Variants in COL18A1 observed in about 807,000 individuals in gnomAD.
COL18A1 encodes the protein collagen type XVIII alpha 1 chain, also known as collagen alpha-1(XVIII) chain.
COL18A1 carries 133 observed loss-of-function variants against 168.0 expected under a neutral mutation model. The ratio of observed to expected loss-of-function variants is 0.79; its 90% confidence interval spans 0.69 to 0.91. COL18A1 has a LOEUF of 0.91. COL18A1 is among the 40% of genes least tolerant of loss of function. The pLI, the probability that COL18A1 is intolerant of heterozygous loss-of-function variation, is 0.00. For missense variants in COL18A1, 2,126 were observed against 1,925.4 expected, an observed-to-expected ratio of 1.10 and a Z score of -1.95; for synonymous variants, 949 against 809.0, an observed-to-expected ratio of 1.17 and a Z score of -2.94.
At chr21:45,505,524 C>T in intron 36 of COL18A1, 93 bp downstream of exon 36, 1 of 756,800 alleles carries the variant, frequency 1.3e-6, no homozygotes, top group Non-Finnish European at 2.3e-6. Context: ...CCACGGACCC[C>T]ACAGGGAGAT....
At chr21:45,490,748 C>T in intron 20 of COL18A1, 88 bp from the exon 21 acceptor site, 7 of 1,388,868 alleles carry the variant, frequency 5.0e-6, no homozygotes, top group Middle Eastern at 3.5e-4. Flanking sequence ...AATAAAGAAC[C>T]CCACATCTTC....
rs1318727279 is a variant in COL18A1 at position 45,513,407 on chromosome 21, C to G, written c.*1009C>G. 1 of 152,280 alleles carries G rather than the reference C, an allele frequency of 6.6e-6. No individual in the cohort carries two copies. The highest frequency in any genetic ancestry group is 2.4e-5 in the African/African-American group (1 of 41,470). 9.4% of individuals were successfully genotyped at this position (152,280 alleles called of 1,614,324 possible). Reference sequence around the variant, plus strand: ...AGTCATTGGCTGTCTCCTAGGAAACCCATATCCTTACCCTCCTTGGGACTG... The same window carrying G: ...AGTCATTGGCTGTCTCCTAGGAAACGCATATCCTTACCCTCCTTGGGACTG... On this transcript the variant is annotated 3_prime_UTR_variant, in exon 42 of 42. Transcript: ENST00000651438.
rs1286802468 is a variant in COL18A1, at chr21:45,405,407, C to T, written c.40C>T (p.Arg14Cys). The T allele has an allele frequency of 3.8e-6, 5 of 1,325,500 alleles. No homozygotes were observed. In the East Asian group the frequency reaches 1.4e-4, roughly 37 times the overall value. The allele number at this position is 1,325,500 out of a possible 1,614,324, so 82.1% of individuals were successfully genotyped here. ...CCCCTGGCCATGGCCGCGGCGGCGG[C>T]GCCTCCTGGACGTGCTCGCGCCCCT... ...RCPWPWPRRR[R>C]LLDVLAPLVL... The change falls in exon 2 of 42, where the codon CGC becomes TGC. Residue 14 changes from arginine (R) to cysteine (C), a missense_variant. Arg to Cys is a radical substitution (Grantham distance 180). Coordinates refer to ENST00000651438, the MANE Select transcript of COL18A1 (RefSeq NM_001379500.1).
chr21:45,450,916 GACAC>G (rs1327753914), intron 2 of COL18A1, among the ~76,000 whole-genome samples: 1 of 152,264 alleles, frequency 6.6e-6, no homozygotes, highest in Non-Finnish European at 1.5e-5. Context: ...GCTGAGGGAG[GACAC>G]ACACTCCATG....
intron 28 of COL18A1, 186 bp downstream of exon 28, chr21:45,495,101 G>A (rs2036486222): frequency 4.6e-6 from 3 of 657,878 alleles, no homozygotes; most frequent in Admixed American, 2.5e-5. Context: ...ACCCCACGAG[G>A]GGCCAGTACC....
At position 45,448,532 on chromosome 21, in the gene COL18A1, C is replaced by T. The variant is rs576305547; in HGVS notation, c.107-19710C>T. Among the ~76,000 whole-genome samples the T allele has an allele frequency of 6.0e-3, 915 of 152,374 alleles. 10 individuals carry two copies. Among genetic ancestry groups the T allele is most frequent in the African/African-American group, 0.02 (837 of 41,586 alleles). On this transcript the variant is annotated intron_variant, in intron 2 of 41. Transcript: ENST00000651438. The stretch of plus-strand genomic sequence containing the variant: ...ATCCACACATCCGTGTACACGCGCA[C>T]ACGTGTGCTTCTGCATACCCACATG...
rs1315622092 is a variant in COL18A1, at chr21:45,410,276, C to T, written c.106+4803C>T. Among the ~76,000 whole-genome samples, 10 of 152,124 alleles carry T rather than the reference C, an allele frequency of 6.6e-5. 1 individual carries two copies. The highest frequency in any genetic ancestry group is 5.2e-4 in the Admixed American group (8 of 15,290). ...CGGGGCTGATCCCCTGTGGGCCCCT[C>T]GTTCCCACAGGAGCCTTGTGATGGG... On this transcript the variant is annotated intron_variant, in intron 2 of 41. Transcript: ENST00000651438.
chr21:45,487,973 T>A (rs566545982), intron 17 of COL18A1, among the ~76,000 whole-genome samples: 2 of 152,230 alleles, frequency 1.3e-5, no homozygotes, highest in Non-Finnish European at 2.9e-5. Context: ...AAAACAACTG[T>A]GCTCAGACAG....
intron 2 of COL18A1, among the ~76,000 whole-genome samples, chr21:45,449,804 C>T (rs779951276): frequency 2.6e-5 from 4 of 152,204 alleles, no homozygotes; most frequent in African/African-American, 7.2e-5. Context: ...ATGCCGCTGG[C>T]CGGGTTGTGC....
chr21:45,509,179 G>A (rs1460913555), intron 38 of COL18A1, among the ~76,000 whole-genome samples, 177 bp from the exon 39 acceptor site: 1 of 152,178 alleles, frequency 6.6e-6, no homozygotes, highest in East Asian at 1.9e-4. Flanking sequence ...CGGCAGGCAG[G>A]ACTCCCCACC....
intron 32 of COL18A1, among the ~76,000 whole-genome samples, chr21:45,503,564 C>G (rs533862571): frequency 6.9e-5 from 10 of 145,366 alleles, no homozygotes; most frequent in Non-Finnish European, 1.0e-4. Context: ...CATATTCTCA[C>G]TCATAGGTGG....
chr21:45,433,296 A>G (rs1025745416), intron 2 of COL18A1, among the ~76,000 whole-genome samples: 1 of 152,216 alleles, frequency 6.6e-6, no homozygotes, highest in Admixed American at 6.5e-5. Flanking sequence ...TTATTTTTAT[A>G]GGTAACATGC....
At chr21:45,436,186 G>C (rs1417440276) in intron 2 of COL18A1, among the ~76,000 whole-genome samples, 1 of 152,210 alleles carries the variant, frequency 6.6e-6, no homozygotes, top group Non-Finnish European at 1.5e-5. Context: ...GAATGCCCAC[G>C]TGGGTGACAG....
intron 2 of COL18A1, 74 bp from the exon 3 acceptor site, chr21:45,468,168 C>T: frequency 6.5e-7 from 1 of 1,527,792 alleles, no homozygotes; most frequent in Non-Finnish European, 9.0e-7. Flanking sequence ...TGCCTGGCTG[C>T]CTCTCCAGGC....
At chr21:45,450,123 C>T (rs1005556704) in intron 2 of COL18A1, among the ~76,000 whole-genome samples, 1 of 152,126 alleles carries the variant, frequency 6.6e-6, no homozygotes, top group Admixed American at 6.5e-5. Context: ...GCCCAGGTTT[C>T]GCTCCCTGGA....
rs1425426597 is a variant in COL18A1 at position 45,471,185 on chromosome 21, T to G, written c.651+2399T>G. Among the ~76,000 whole-genome samples, 1 of 151,800 alleles carries G rather than the reference T, an allele frequency of 6.6e-6. No individual in the cohort carries two copies. The highest frequency in any genetic ancestry group is 1.5e-5 in the Non-Finnish European group (1 of 67,944). On this transcript the variant is annotated intron_variant, in intron 3 of 41. Coordinates refer to ENST00000651438, the MANE Select transcript of COL18A1 (RefSeq NM_001379500.1). This position sits in a 1 kb window ranked among gnomAD's most constrained non-coding sequence, Gnocchi z 4.4. ...CAGGCCGTGTGCTGCTGGGCGTGGGTGGCGCGCTATGGGCCGTGTGCTGAG... is the reference window on the plus strand; with the variant it reads ...CAGGCCGTGTGCTGCTGGGCGTGGGGGGCGCGCTATGGGCCGTGTGCTGAG...
chr21:45,411,035 G>A (rs2033273923), intron 2 of COL18A1, among the ~76,000 whole-genome samples: 1 of 152,234 alleles, frequency 6.6e-6, no homozygotes, highest in Non-Finnish European at 1.5e-5. Flanking sequence ...TTTGTTTTGG[G>A]AGGAATCACT....
At chr21:45,494,083 G>T in intron 26 of COL18A1, 1 of 296,144 alleles carries the variant, frequency 3.4e-6, no homozygotes, top group South Asian at 3.8e-5. Context: ...TTGGAGTGTG[G>T]GCCACCGGCT....
chr21:45,448,769 G>T (rs2034558149), intron 2 of COL18A1, among the ~76,000 whole-genome samples: 1 of 152,246 alleles, frequency 6.6e-6, no homozygotes, highest in Non-Finnish European at 1.5e-5. Flanking sequence ...CCACTGGCCT[G>T]CGTATCTTTT....
Sources: gnomAD v4.1 joint callset for allele counts (sites outside exome capture counted in the v4.1 genomes callset) on GRCh38, gnomAD v4.1.1 for gene constraint, Gnocchi (gnomAD v3.1) non-coding constraint, MANE v1.5 for transcripts, NCBI Gene and HGNC (gene_info 2026-07-23, HGNC 2026-07-21) for gene names.